Variants in ENTPD4 observed in about 807,000 individuals in gnomAD.
ENTPD4 encodes Golgi UDPase.
Under a neutral mutation model 79.1 loss-of-function variants are expected in ENTPD4, and 60 were observed. That is an observed-to-expected ratio of 0.76 (90% CI 0.62 to 0.94). ENTPD4 has a LOEUF of 0.94. Ranked by LOEUF, ENTPD4 falls within the 40% of genes least tolerant of loss-of-function variation. ENTPD4 has a pLI of 0.00. For missense variants in ENTPD4, 772 were observed against 775.1 expected (o/e 1.00, Z 0.05); for synonymous variants, 276 against 292.0 (o/e 0.95, Z 0.56).
chr8:23,440,403 T>C (rs556601768), intron 8 of ENTPD4, among the ~76,000 whole-genome samples: 1 of 152,268 alleles, frequency 6.6e-6, no homozygotes, highest in South Asian at 2.1e-4. Flanking sequence ...CCATATTTTT[T>C]AAAACTATGA....
chr8:23,453,381 C>CA (rs907517455), intron 1 of ENTPD4, among the ~76,000 whole-genome samples: 4 of 151,912 alleles, frequency 2.6e-5, no homozygotes, highest in African/African-American at 7.3e-5. Context: ...TTAAAACAAA[C>CA]AAAAAAATCC....
At position 23,430,067 on chromosome 8, in the gene ENTPD4, A is replaced by G; in HGVS notation, c.*2859T>C. 2.0e-6 allele frequency: 2 copies of G among 985,434 alleles called. No individual in the cohort carries two copies. Among genetic ancestry groups the G allele is most frequent in the African/African-American group, 1.7e-5 (1 of 57,356 alleles). 61.0% of individuals were successfully genotyped at this position (985,434 alleles called of 1,614,324 possible). A position where few individuals can be genotyped will look rare whatever the true frequency, so the allele number is the denominator to read the frequency against. On this transcript the variant is annotated 3_prime_UTR_variant, in exon 13 of 13. Transcript: ENST00000358689. ...AATTTCTTCTGCTACAAGTACACAG[A>G]ATTTACTGCCTTCTTGGTCAGCTCT... is the stretch of plus-strand genomic sequence containing the variant.
intron 9 of ENTPD4, 45 bp from the exon 10 acceptor site, chr8:23,437,303 G>T: frequency 6.9e-7 from 1 of 1,454,352 alleles, no homozygotes; most frequent in Non-Finnish European, 9.3e-7. Flanking sequence ...ACAGAAAACT[G>T]TGTTTTCAGG....
Position 23,449,983 on chromosome 8 carries a change from G to C in ENTPD4, c.-83C>G. The C allele has an allele frequency of 6.4e-7, 1 of 1,564,374 alleles. No homozygotes were observed. ...ATAGAAATAATGCTGGGGTCCTCAC[G>C]GAGTTAGAGCCCTCCTGTTCCAGGA... On this transcript the variant is annotated 5_prime_UTR_variant, in exon 2 of 13. Transcript: ENST00000358689.
chr8:23,454,401 G>C (rs1046758012), intron 1 of ENTPD4, among the ~76,000 whole-genome samples: 1 of 152,174 alleles, frequency 6.6e-6, no homozygotes. Context: ...TCAGGACTAC[G>C]AAGGTGACAT....
At chr8:23,434,124 T>C (rs1248476547) in intron 12 of ENTPD4, 193 bp downstream of exon 12, 4 of 639,480 alleles carry the variant, frequency 6.3e-6, no homozygotes, top group African/African-American at 5.5e-5. Flanking sequence ...TATTACGGGA[T>C]GGTAGGGTGA....
intron 1 of ENTPD4, 119 bp from the exon 2 acceptor site, chr8:23,450,116 C>G: frequency 8.4e-6 from 5 of 598,568 alleles, no homozygotes; most frequent in Admixed American, 2.8e-5. Flanking sequence ...TGCACTGAAG[C>G]TGTTGGAAGG....
chr8:23,433,255 T>G (rs552225506), intron 12 of ENTPD4, 101 bp from the exon 13 acceptor site: 82 of 922,434 alleles, frequency 8.9e-5, no homozygotes, highest in Non-Finnish European at 9.0e-5. Context: ...AGAGCTGCAC[T>G]TTAGGAACTG....
chr8:23,432,345 A>G lies in ENTPD4; in HGVS notation c.*581T>C, dbSNP rs1800469600. 2.0e-6 allele frequency: 2 copies of G among 985,564 alleles called. No homozygotes were observed. The highest frequency in any genetic ancestry group is 9.4e-5 in the South Asian group (2 of 21,286). 61.1% of individuals were successfully genotyped at this position (985,564 alleles called of 1,614,324 possible). A position where few individuals can be genotyped will look rare whatever the true frequency, so the allele number is the denominator to read the frequency against. On this transcript the variant is annotated 3_prime_UTR_variant, in exon 13 of 13. Coordinates refer to ENST00000358689, the MANE Select transcript of ENTPD4 (RefSeq NM_004901.5). ...ATCAAAGTGCATGTGTTTAAATTTA[A>G]CATTCCTTAGAGAAACCCCAGAAAT...
Position 23,439,977 on chromosome 8 carries a change from A to T in ENTPD4, c.883-62T>A, listed in dbSNP as rs141480157. The T allele has an allele frequency of 6.3e-5, 90 of 1,437,284 alleles. No homozygotes were observed. The African/African-American group carries it at 1.0e-3, about 16-fold the overall frequency. The allele number at this position is 1,437,284 out of a possible 1,614,324, so 89.0% of individuals were successfully genotyped here. A position where few individuals can be genotyped will look rare whatever the true frequency, so the allele number is the denominator to read the frequency against. On this transcript the variant is annotated intron_variant, in intron 8 of 12. Coordinates refer to ENST00000358689, the MANE Select transcript of ENTPD4 (RefSeq NM_004901.5). ...GCTACTTTAGCCTCCTACTAAAAAG[A>T]AAAGTCTAAAAATAGTCTCATCTAA... is the stretch of plus-strand genomic sequence containing the variant.
rs193028589 is a variant in ENTPD4 at position 23,435,442 on chromosome 8, T to C, written c.1410A>G (p.Glu470=). Residue 470 remains glutamate, a synonymous_variant, in exon 11 of 13, where the codon GAA becomes GAG. Transcript: ENST00000358689. ...AGGCGTACAGTCCTCGGTCAAAGCGTTCCCGCAAAATGGACCACTTTGTTG... is the reference window on the plus strand; with the variant it reads ...AGGCGTACAGTCCTCGGTCAAAGCGCTCCCGCAAAATGGACCACTTTGTTG... The part of the protein sequence containing the change: ...YCATKWSILR[E]RFDRGLYASH... 144 of 1,614,042 alleles carry C rather than the reference T, an allele frequency of 8.9e-5. No individual in the cohort carries two copies. The highest frequency in any genetic ancestry group is 1.2e-4 in the Non-Finnish European group (136 of 1,180,010).
intron 12 of ENTPD4, 44 bp downstream of exon 12, chr8:23,434,273 G>A: frequency 6.2e-7 from 1 of 1,605,766 alleles, no homozygotes; most frequent in Non-Finnish European, 8.5e-7. Flanking sequence ...TGTAACTGCA[G>A]AAAAGCATCT....
Position 23,431,409 on chromosome 8 carries a change from C to A in ENTPD4, c.*1517G>T, listed in dbSNP as rs1160570337. On this transcript the variant is annotated 3_prime_UTR_variant, in exon 13 of 13. Coordinates refer to ENST00000358689, the MANE Select transcript of ENTPD4 (RefSeq NM_004901.5). ...ACAAAACAAACTCCACCTAAAAAAA[C>A]TGTACGAGAATTCCCCAAACTTCTC... is the stretch of plus-strand genomic sequence containing the variant. 1 of 985,312 alleles carries A rather than the reference C, an allele frequency of 1.0e-6. No homozygotes were observed. Among genetic ancestry groups the A allele is most frequent in the Non-Finnish European group, 1.2e-6 (1 of 829,920 alleles). 61.0% of individuals were successfully genotyped at this position (985,312 alleles called of 1,614,324 possible).
chr8:23,431,424 C>T lies in ENTPD4; in HGVS notation c.*1502G>A, dbSNP rs1800451713. 1.0e-6 allele frequency: 1 copy of T among 985,290 alleles called. No homozygotes were observed. The highest frequency in any genetic ancestry group is 1.7e-5 in the African/African-American group (1 of 57,226). The allele number at this position is 985,290 out of a possible 1,614,324, so 61.0% of individuals were successfully genotyped here. On this transcript the variant is annotated 3_prime_UTR_variant, in exon 13 of 13. Coordinates refer to ENST00000358689, the MANE Select transcript of ENTPD4 (RefSeq NM_004901.5). ...CCTAAAAAAACTGTACGAGAATTCC[C>T]CAAACTTCTCAACTAAATAAATAGG...
At chr8:23,454,911 T>C (rs1432743764) in intron 1 of ENTPD4, among the ~76,000 whole-genome samples, 1 of 152,262 alleles carries the variant, frequency 6.6e-6, no homozygotes, top group Non-Finnish European at 1.5e-5. Flanking sequence ...TAAACTCCAA[T>C]TGTCCTTCTA....
At chr8:23,455,059 G>A (rs1800934085) in intron 1 of ENTPD4, among the ~76,000 whole-genome samples, 2 of 152,172 alleles carry the variant, frequency 1.3e-5, no homozygotes, top group African/African-American at 4.8e-5. Context: ...CAGCTAGTGG[G>A]GCCCTACTTG....
chr8:23,434,000 A>G (rs371756562), intron 12 of ENTPD4: 3 of 303,046 alleles, frequency 9.9e-6, no homozygotes, highest in African/African-American at 6.2e-5. Flanking sequence ...CAGTATTTGG[A>G]GAAGAGGCCT....
rs1382285055 is a variant in ENTPD4, at chr8:23,448,939, C to A, written c.9G>T (p.Arg3Ser). The A allele has an allele frequency of 5.0e-6, 8 of 1,611,840 alleles. No homozygotes were observed. Among genetic ancestry groups the A allele is most frequent in the Non-Finnish European group, 6.8e-6 (8 of 1,178,812 alleles). Reference protein sequence around the residue: MGRIGISCLFPAS... With the variant: MGSIGISCLFPAS... ...CAGGAAAAAGACAGGAGATGCCAAT[C>A]CTGAAATTAGAAGGAAAAAGATTTT... Residue 3 changes from arginine (R) to serine (S), a missense_variant and splice_region_variant, in exon 3 of 13, where the codon AGG becomes AGT. Transcript: ENST00000358689.
chr8:23,436,824 G>T, intron 10 of ENTPD4, 110 bp downstream of exon 10: 1 of 886,406 alleles, frequency 1.1e-6, no homozygotes, highest in Non-Finnish European at 1.8e-6. Flanking sequence ...CTGCAGTGCA[G>T]CCTTCTATAC....
Sources: gnomAD v4.1 joint callset for allele counts (sites outside exome capture counted in the v4.1 genomes callset) on GRCh38, gnomAD v4.1.1 for gene constraint, MANE v1.5 for transcripts, NCBI Gene and HGNC (gene_info 2026-07-23, HGNC 2026-07-21) for gene names.